CTNNA3: variants seen among roughly 807,000 people sequenced by gnomAD.
CTNNA3 encodes catenin alpha-3.
A neutral mutation model predicts 95.7 loss-of-function variants in CTNNA3; 76 were observed. That is an observed-to-expected ratio of 0.79 (90% CI 0.66 to 0.96). The LOEUF (loss-of-function observed/expected upper bound fraction) is 0.96, where lower values mean the gene tolerates loss of function less well. Ranked by LOEUF, CTNNA3 falls within the 40% of genes least tolerant of loss-of-function variation. The pLI is 0.00. For synonymous variants in CTNNA3, 431 were observed against 374.4 expected (o/e 1.15, Z -1.74); for missense variants, 1,191 against 1,089.8 (o/e 1.09, Z -1.31).
At chr10:67,433,078 A>T (rs773294118) in intron 5 of CTNNA3, among the ~76,000 whole-genome samples, 1 of 152,042 alleles carries the variant, frequency 6.6e-6, no homozygotes, top group Admixed American at 6.6e-5. Flanking sequence ...TTAGATTTTG[A>T]CATACCTTCC....
chr10:67,570,022 A>G (rs1347976457), intron 3 of CTNNA3, among the ~76,000 whole-genome samples: 1 of 151,918 alleles, frequency 6.6e-6, no homozygotes, highest in Non-Finnish European at 1.5e-5. Flanking sequence ...TTCAATAACA[A>G]TTCCACTTTC....
At chr10:67,210,081 G>A (rs919278209) in intron 6 of CTNNA3, among the ~76,000 whole-genome samples, 2 of 152,008 alleles carry the variant, frequency 1.3e-5, no homozygotes, top group South Asian at 4.1e-4. Context: ...AGCAAAGCAG[G>A]CAGATCACAA....
chr10:67,750,404 C>A, intron 1 of CTNNA3: 8 of 1,485,934 alleles, frequency 5.4e-6, no homozygotes, highest in Non-Finnish European at 7.5e-6. Context: ...TGCAGGATAT[C>A]GCCACATTGA....
intron 13 of CTNNA3, among the ~76,000 whole-genome samples, chr10:66,250,232 G>A (rs749787586): frequency 2.8e-4 from 42 of 152,074 alleles, no homozygotes; most frequent in Admixed American, 8.5e-4. Flanking sequence ...AATTGAATTC[G>A]TGGAGATAGA....
At chr10:67,083,399 CAA>C (rs551683164) in intron 7 of CTNNA3, among the ~76,000 whole-genome samples, 1 of 142,340 alleles carries the variant, frequency 7.0e-6, no homozygotes. Context: ...TGTCTCAGTG[CAA>C]AAAAAAAAAG....
chr10:67,004,748 T>C (rs1299321113), intron 7 of CTNNA3, among the ~76,000 whole-genome samples: 1 of 152,238 alleles, frequency 6.6e-6, no homozygotes, highest in East Asian at 1.9e-4. Flanking sequence ...ATGTCAATTA[T>C]TTGCTATTCA....
Position 67,078,110 on chromosome 10 carries a change from A to C in CTNNA3, c.1047+102207T>G, listed in dbSNP as rs78219552. 9.2e-3 allele frequency among the ~76,000 whole-genome samples: 1,400 copies of C among 152,314 alleles called. 51 individuals carry two copies. In the East Asian group the frequency reaches 0.11, roughly 12 times the overall value. ...TTACCCAAACTTCAGTCAGCTTAACAGCTCTCTCTCAGGAGTAATAACCTC... is the reference window on the plus strand; with the variant it reads ...TTACCCAAACTTCAGTCAGCTTAACCGCTCTCTCTCAGGAGTAATAACCTC... On this transcript the variant is annotated intron_variant, in intron 7 of 17. Coordinates refer to ENST00000433211, the MANE Select transcript of CTNNA3 (RefSeq NM_013266.4).
intron 1 of CTNNA3, among the ~76,000 whole-genome samples, chr10:67,667,180 A>G (rs1840346340): frequency 6.6e-6 from 1 of 152,172 alleles, no homozygotes; most frequent in Admixed American, 6.5e-5. Context: ...ACTTCCTGTT[A>G]TTACAGCATT....
At chr10:66,151,394 T>A (rs1452657773) in intron 13 of CTNNA3, among the ~76,000 whole-genome samples, 2 of 151,964 alleles carry the variant, frequency 1.3e-5, no homozygotes, top group African/African-American at 4.8e-5. Context: ...TAATAGTATG[T>A]GCAAATATTA....
At chr10:67,047,145 A>G (rs1278436345) in intron 7 of CTNNA3, among the ~76,000 whole-genome samples, 2 of 152,180 alleles carry the variant, frequency 1.3e-5, no homozygotes, top group Non-Finnish European at 2.9e-5. Context: ...TCCCATCCCA[A>G]TATATAGAAT....
chr10:66,665,274 G>A (rs1430092072), intron 9 of CTNNA3, among the ~76,000 whole-genome samples: 2 of 152,154 alleles, frequency 1.3e-5, no homozygotes, highest in Admixed American at 1.3e-4. Flanking sequence ...TAAAATGGGT[G>A]TAAGAATTGG....
intron 1 of CTNNA3, among the ~76,000 whole-genome samples, chr10:67,668,539 C>A (rs957325249): frequency 1.3e-5 from 2 of 152,136 alleles, no homozygotes; most frequent in South Asian, 2.1e-4. Flanking sequence ...AGAACTCTTG[C>A]GCTTTGGGGC....
At chr10:66,423,626 G>A (rs1460485544) in intron 11 of CTNNA3, among the ~76,000 whole-genome samples, 2 of 152,104 alleles carry the variant, frequency 1.3e-5, no homozygotes, top group South Asian at 2.1e-4. Context: ...CCAGAGAGAT[G>A]TTTAGCCCCA....
At chr10:66,915,448 T>G (rs1252612653) in intron 7 of CTNNA3, among the ~76,000 whole-genome samples, 1 of 151,876 alleles carries the variant, frequency 6.6e-6, no homozygotes, top group Non-Finnish European at 1.5e-5. Context: ...ACTAAAAAAC[T>G]TAGACATGAA....
At chr10:67,547,741 C>T (rs115757998) in intron 3 of CTNNA3, among the ~76,000 whole-genome samples, 2,515 of 152,274 alleles carry the variant, frequency 0.017, 76 homozygotes, top group African/African-American at 0.055. Flanking sequence ...AGATAAACAT[C>T]CAGGATTCTG....
chr10:66,907,561 A>G (rs1347093239), intron 7 of CTNNA3, among the ~76,000 whole-genome samples: 1 of 152,158 alleles, frequency 6.6e-6, no homozygotes, highest in Non-Finnish European at 1.5e-5. Context: ...AAGCAAAGAA[A>G]AACTTGTATT....
intron 7 of CTNNA3, among the ~76,000 whole-genome samples, chr10:67,158,018 A>G (rs967783898): frequency 6.6e-5 from 10 of 152,268 alleles, no homozygotes; most frequent in African/African-American, 2.4e-4. Flanking sequence ...CCAAGGTTGC[A>G]GACTGTCTCG....
intron 10 of CTNNA3, among the ~76,000 whole-genome samples, chr10:66,534,699 A>T (rs892533836): frequency 2.0e-5 from 3 of 150,138 alleles, no homozygotes; most frequent in Admixed American, 6.7e-5. Context: ...TATTCAGTAA[A>T]TTATATCATT....
intron 5 of CTNNA3, among the ~76,000 whole-genome samples, chr10:67,279,646 A>G (rs1324162314): frequency 1.3e-5 from 2 of 150,938 alleles, no homozygotes; most frequent in Middle Eastern, 3.4e-3. Context: ...ATCTGTAGCT[A>G]TCTGCTTAGG....
Sources: allele counts gnomAD v4.1 joint callset (sites outside exome capture counted in the v4.1 genomes callset), GRCh38; gene constraint gnomAD v4.1.1; transcripts MANE v1.5; gene names NCBI Gene and HGNC (gene_info 2026-07-23, HGNC 2026-07-21).